The following DNAAF1 variants were observed in gnomAD, a reference collection of about 807,000 sequenced individuals.
DNAAF1 encodes dynein assembly factor 1, axonemal.
A neutral mutation model predicts 71.1 loss-of-function variants in DNAAF1; 65 were observed. The observed-to-expected ratio is 0.91, with a 90% CI of 0.75 to 1.12. The LOEUF (loss-of-function observed/expected upper bound fraction) is 1.12, where lower values mean the gene tolerates loss of function less well. Among genes scored for constraint, DNAAF1 ranks in the 50% most tolerant of loss-of-function variants. The pLI, the probability that DNAAF1 is intolerant of heterozygous loss-of-function variation, is 0.00. For missense variants in DNAAF1, 1,178 were observed against 899.8 expected (o/e 1.31, Z -3.96); for synonymous variants, 414 against 354.6 (o/e 1.17, Z -1.88).
At chr16:84,173,358 G>A in intron 9 of DNAAF1, 1 of 640,026 alleles carries the variant, frequency 1.6e-6, no homozygotes, top group Non-Finnish European at 1.9e-6. Context: ...CAGCTACTTG[G>A]GAGGCTGAGG....
intron 7 of DNAAF1, among the ~76,000 whole-genome samples, chr16:84,166,487 G>A (rs915847074): frequency 2.0e-5 from 3 of 148,756 alleles, no homozygotes; most frequent in African/African-American, 7.5e-5. Flanking sequence ...TCTCACCTCA[G>A]CTTCCTAAGT....
intron 6 of DNAAF1, among the ~76,000 whole-genome samples, chr16:84,161,432 C>G (rs559895356): frequency 2.6e-5 from 4 of 152,172 alleles, no homozygotes; most frequent in Non-Finnish European, 5.9e-5. Flanking sequence ...GTCACCCAGG[C>G]AGGAGTGCAG....
intron 7 of DNAAF1, among the ~76,000 whole-genome samples, chr16:84,166,904 T>C (rs2088036820): frequency 6.6e-6 from 1 of 152,344 alleles, no homozygotes; most frequent in Non-Finnish European, 1.5e-5. Context: ...CTCAGCACAC[T>C]TGTGGTCACG....
intron 9 of DNAAF1, chr16:84,174,043 A>G (rs558468212): frequency 7.8e-6 from 2 of 255,512 alleles, no homozygotes; most frequent in South Asian, 1.2e-4. Flanking sequence ...AGTACATACT[A>G]TTATCATCCC....
chr16:84,170,851 AAATT>A (rs1409565360), intron 8 of DNAAF1, among the ~76,000 whole-genome samples: 5 of 152,188 alleles, frequency 3.3e-5, no homozygotes, highest in Non-Finnish European at 5.9e-5. Context: ...ATTGATTAAT[AAATT>A]AATTAAAAAG....
rs1034594812 is a variant in DNAAF1 at position 84,145,333 on chromosome 16, G to C, written c.-108G>C. On this transcript the variant is annotated 5_prime_UTR_variant, in exon 1 of 12. Coordinates refer to ENST00000378553, the MANE Select transcript of DNAAF1 (RefSeq NM_178452.6). ...GTAAAGACTAGGGCGCCAGCGGCTGGCGAAGAAGGAAAGAGGGTACTCTCT... is the reference window on the plus strand; with the variant it reads ...GTAAAGACTAGGGCGCCAGCGGCTGCCGAAGAAGGAAAGAGGGTACTCTCT... 5.3e-6 allele frequency: 8 copies of C among 1,520,060 alleles called. No homozygotes were observed. The East Asian group carries it at 7.4e-5, about 14-fold the overall frequency. The allele number at this position is 1,520,060 out of a possible 1,614,324, so 94.2% of individuals were successfully genotyped here.
At chr16:84,150,182 G>A in intron 2 of DNAAF1, 69 bp from the exon 3 acceptor site, 2 of 1,201,258 alleles carry the variant, frequency 1.7e-6, no homozygotes, top group Non-Finnish European at 1.2e-6. Context: ...ATGTGGTAAA[G>A]AACTGTGAGA....
At chr16:84,162,909 TC>T (rs1386270246) in intron 6 of DNAAF1, among the ~76,000 whole-genome samples, 1 of 152,282 alleles carries the variant, frequency 6.6e-6, no homozygotes, top group African/African-American at 2.4e-5. Context: ...TCCTCTGCTT[TC>T]CCTCTCTGTT....
At chr16:84,157,542 T>G (rs908758560) in intron 5 of DNAAF1, among the ~76,000 whole-genome samples, 1 of 151,994 alleles carries the variant, frequency 6.6e-6, no homozygotes, top group African/African-American at 2.4e-5. Flanking sequence ...TTCCCGTCCT[T>G]TGGGCTTGAG....
intron 11 of DNAAF1, chr16:84,177,527 C>A: frequency 1.9e-6 from 1 of 539,498 alleles, no homozygotes; most frequent in Non-Finnish European, 3.4e-6. Flanking sequence ...TGGGGTTTCA[C>A]CATGTTGACC....
rs74647125 is a variant in DNAAF1 at position 84,157,396 on chromosome 16, G to C, written c.741+1647G>C. On this transcript the variant is annotated intron_variant, in intron 5 of 11. Coordinates refer to ENST00000378553, the MANE Select transcript of DNAAF1 (RefSeq NM_178452.6). ...AAATTAGCTGGGCATGGTGGTGCAC[G>C]TCTGTGATCTCAGCTACTTGGGAGG... 2.0e-5 allele frequency among the ~76,000 whole-genome samples: 3 copies of C among 151,176 alleles called. No individual in the cohort carries two copies. The East Asian group carries it at 5.9e-4, about 30-fold the overall frequency.
In DNAAF1 at chr16:84,173,231, A is replaced by G. The variant is rs531620480; in HGVS notation, c.1644+856A>G. The G allele has an allele frequency of 2.3e-3, 2,158 of 954,734 alleles. 6 individuals are homozygous for G. Among genetic ancestry groups the G allele is most frequent in the Non-Finnish European group, 2.6e-3 (2,092 of 802,206 alleles). 59.1% of individuals were successfully genotyped at this position (954,734 alleles called of 1,614,324 possible). A position where few individuals can be genotyped will look rare whatever the true frequency, so the allele number is the denominator to read the frequency against. ...GTAATCCCAGCACTTTGGGAGGCCGAGGTGGCTGGATCACGAGGTCAGGAG... is the reference window on the plus strand; with the variant it reads ...GTAATCCCAGCACTTTGGGAGGCCGGGGTGGCTGGATCACGAGGTCAGGAG... On this transcript the variant is annotated intron_variant, in intron 9 of 11. Transcript: ENST00000378553.
At chr16:84,173,147 G>A in intron 9 of DNAAF1, 2 of 985,992 alleles carry the variant, frequency 2.0e-6, no homozygotes, top group Non-Finnish European at 2.4e-6. Context: ...TCAAACTTCA[G>A]AATTTCACAT....
In DNAAF1 at chr16:84,174,579, G is replaced by A. The variant is rs2088554375; in HGVS notation, c.1645-90G>A. 38 of 1,611,238 alleles carry A rather than the reference G, an allele frequency of 2.4e-5. No homozygotes were observed. The South Asian group carries it at 3.7e-4, about 16-fold the overall frequency. On this transcript the variant is annotated intron_variant, in intron 9 of 11. Coordinates refer to ENST00000378553, the MANE Select transcript of DNAAF1 (RefSeq NM_178452.6). ...TTTGAGTAACTGTAACTAAGGCTGG[G>A]TTGACTGCGTGTTTGCCTTTATCGT...
At chr16:84,168,913 C>A (rs144118591) in intron 7 of DNAAF1, among the ~76,000 whole-genome samples, 1,769 of 151,496 alleles carry the variant, frequency 0.012, 45 homozygotes, top group African/African-American at 0.041. Flanking sequence ...GCCCTTAAAC[C>A]CCCAGTGCTT....
intron 5 of DNAAF1, chr16:84,159,325 G>C: frequency 1.1e-6 from 1 of 925,050 alleles, no homozygotes; most frequent in Non-Finnish European, 1.4e-6. Context: ...CAATCAATTA[G>C]GCAGAGATTC....
Position 84,145,577 on chromosome 16 carries a change from C to A in DNAAF1, c.124+13C>A, listed in dbSNP as rs899133639. 1.3e-6 allele frequency: 2 copies of A among 1,544,418 alleles called. No homozygotes were observed. Among genetic ancestry groups the A allele is most frequent in the Middle Eastern group, 2.3e-4 (1 of 4,420 alleles). On this transcript the variant is annotated intron_variant, in intron 1 of 11. Coordinates refer to ENST00000378553, the MANE Select transcript of DNAAF1 (RefSeq NM_178452.6). ...GGCTGCAAGGAAGGTGCCGACTGCC[C>A]CCCAGGGAGGGCGGTGGGCGAGGGG...
chr16:84,159,024 C>A, intron 5 of DNAAF1: 1 of 987,036 alleles, frequency 1.0e-6, no homozygotes, highest in Non-Finnish European at 1.2e-6. Context: ...AGCCACCATG[C>A]CCAGCCCCAC....
intron 10 of DNAAF1, 119 bp downstream of exon 10, chr16:84,174,841 TTC>T: frequency 6.3e-6 from 2 of 319,630 alleles, no homozygotes; most frequent in Non-Finnish European, 8.7e-6. Context: ...AAGCATTGAA[TTC>T]CCCCATATTC....
Sources: allele counts gnomAD v4.1 joint callset (sites outside exome capture counted in the v4.1 genomes callset), GRCh38; gene constraint gnomAD v4.1.1; transcripts MANE v1.5; gene names NCBI Gene and HGNC (gene_info 2026-07-23, HGNC 2026-07-21).